Variants in CLIC5 observed in about 807,000 individuals in gnomAD.
CLIC5 encodes the protein CLIC family member 5.
A neutral mutation model predicts 24.7 loss-of-function variants in CLIC5; 20 were observed. The observed-to-expected ratio is 0.81, with a 90% CI of 0.57 to 1.18. The LOEUF is 1.18. CLIC5 is among the 50% of genes most tolerant of loss of function. CLIC5 has a pLI of 0.00. For synonymous variants in CLIC5, 159 were observed against 135.6 expected, an observed-to-expected ratio of 1.17 and a Z score of -1.20; for missense variants, 341 against 326.1, an observed-to-expected ratio of 1.05 and a Z score of -0.35.
intron 1 of CLIC5, among the ~76,000 whole-genome samples, chr6:45,981,744 C>A (rs542397477): frequency 2.0e-5 from 3 of 152,288 alleles, no homozygotes; most frequent in East Asian, 1.9e-4. Context: ...GTGGCTCATG[C>A]CAATAATCCC....
At chr6:45,888,168 T>C (rs1050876331) in intron 6 of CLIC5, among the ~76,000 whole-genome samples, 6 of 152,140 alleles carry the variant, frequency 3.9e-5, no homozygotes, top group African/African-American at 1.4e-4. Flanking sequence ...GGATTTCCTG[T>C]GAGGCTTGAA....
the CLIC5 span, among the ~76,000 whole-genome samples, chr6:46,119,613 C>A: frequency 6.6e-6 from 1 of 152,230 alleles, no homozygotes; most frequent in Non-Finnish European, 1.5e-5. Flanking sequence ...GTGCACCGAG[C>A]ATGAGCTGAA....
rs987283342 is a variant in CLIC5 at position 45,941,539 on chromosome 6, T to G, written c.406+8A>C. The G allele has an allele frequency of 8.1e-6, 13 of 1,600,388 alleles. No homozygotes were observed. Among genetic ancestry groups the G allele is most frequent in the Non-Finnish European group, 1.0e-5 (12 of 1,167,904 alleles). On this transcript the variant is annotated splice_region_variant and intron_variant, in intron 4 of 5. Coordinates refer to ENST00000339561, the MANE Select transcript of CLIC5 (RefSeq NM_016929.5). Reference sequence around the variant, plus strand: ...GCCAAGGGTTCTTGGTGGAAGGGAGTCACTCACCAGCATTGTTCTGCTGCT... The same window carrying G: ...GCCAAGGGTTCTTGGTGGAAGGGAGGCACTCACCAGCATTGTTCTGCTGCT...
intron 1 of CLIC5, among the ~76,000 whole-genome samples, chr6:45,974,871 G>A (rs1357407701): frequency 6.6e-6 from 1 of 152,106 alleles, no homozygotes; most frequent in Non-Finnish European, 1.5e-5. Context: ...CATCTCCACA[G>A]CACCAAGTGG....
At chr6:46,021,731 T>TA (rs1242874673) in intron 1 of CLIC5, among the ~76,000 whole-genome samples, 7 of 151,958 alleles carry the variant, frequency 4.6e-5, no homozygotes, top group Admixed American at 2.6e-4. Flanking sequence ...TTCTGGAAAA[T>TA]AAAAAAATTA....
upstream of CLIC5, among the ~76,000 whole-genome samples, chr6:46,084,306 G>C (rs1762985492): frequency 6.6e-6 from 1 of 152,084 alleles, no homozygotes; most frequent in Non-Finnish European, 1.5e-5. Context: ...GTGTGAATTT[G>C]ATCCTGTCAT....
At chr6:46,076,763 T>C (rs1162617448) in intron 1 of CLIC5, among the ~76,000 whole-genome samples, 1 of 152,230 alleles carries the variant, frequency 6.6e-6, no homozygotes, top group Non-Finnish European at 1.5e-5. Flanking sequence ...TCCTGTTTTA[T>C]AGCATTTTCA....
chr6:46,107,167 C>CT, the CLIC5 span, among the ~76,000 whole-genome samples: 197 of 149,054 alleles, frequency 1.3e-3, no homozygotes, highest in East Asian at 4.5e-3. Flanking sequence ...TTAATTTAGA[C>CT]TTTTTTTTTT....
At chr6:46,124,763 A>G in the CLIC5 span, among the ~76,000 whole-genome samples, 1 of 152,016 alleles carries the variant, frequency 6.6e-6, no homozygotes, top group Non-Finnish European at 1.5e-5. Context: ...GAAAGTGGGC[A>G]AAGGATATGA....
intron 1 of CLIC5, among the ~76,000 whole-genome samples, chr6:46,006,596 A>G (rs1766591807): frequency 1.3e-5 from 2 of 150,838 alleles, no homozygotes; most frequent in Non-Finnish European, 2.9e-5. Context: ...CATTGCATTT[A>G]TTTCCTACCT....
chr6:46,079,855 C>A, exon 1 of CLIC5: 1 of 1,552,210 alleles, frequency 6.4e-7, no homozygotes, highest in Non-Finnish European at 8.7e-7. Flanking sequence ...TCCTTCATCA[C>A]ACTCCCATTC....
chr6:46,079,897 C>G (rs1295751865), exon 1 of CLIC5: 1 of 1,551,916 alleles, frequency 6.4e-7, no homozygotes, highest in East Asian at 2.4e-5. Flanking sequence ...AGTTGCTGGT[C>G]CTGGGTTGAT....
intron 1 of CLIC5, among the ~76,000 whole-genome samples, chr6:46,039,922 C>G (rs908733087): frequency 1.3e-5 from 2 of 152,248 alleles, no homozygotes; most frequent in African/African-American, 4.8e-5. Context: ...AGTTAAGTAA[C>G]TGTAAACCCT....
At chr6:45,925,960 C>A (rs1763467289) in intron 4 of CLIC5, among the ~76,000 whole-genome samples, 1 of 152,072 alleles carries the variant, frequency 6.6e-6, no homozygotes, top group African/African-American at 2.4e-5. Flanking sequence ...AGGACTGAGG[C>A]AGTTTCAGAC....
At chr6:45,990,393 T>C (rs1014325604) in intron 1 of CLIC5, among the ~76,000 whole-genome samples, 1 of 152,178 alleles carries the variant, frequency 6.6e-6, no homozygotes, top group Non-Finnish European at 1.5e-5. Flanking sequence ...GAATCCTCCA[T>C]CTTGACTTTT....
the CLIC5 span, among the ~76,000 whole-genome samples, chr6:46,127,796 G>A: frequency 2.6e-5 from 4 of 152,138 alleles, no homozygotes; most frequent in African/African-American, 9.7e-5. Flanking sequence ...ACACAATTCT[G>A]TCCAAAGTGA....
intron 4 of CLIC5, among the ~76,000 whole-genome samples, chr6:45,915,170 G>A (rs892075615): frequency 2.0e-5 from 3 of 151,636 alleles, no homozygotes; most frequent in Admixed American, 6.6e-5. Context: ...CCTCATGATC[G>A]GCCCGCCTTG....
At chr6:46,076,024 T>C (rs1762757674) in intron 1 of CLIC5, among the ~76,000 whole-genome samples, 1 of 152,330 alleles carries the variant, frequency 6.6e-6, no homozygotes, top group South Asian at 2.1e-4. Flanking sequence ...AGTTTGTCAG[T>C]TGCCTCTAAA....
At chr6:46,115,771 T>G in the CLIC5 span, among the ~76,000 whole-genome samples, 1 of 152,244 alleles carries the variant, frequency 6.6e-6, no homozygotes, top group Admixed American at 6.5e-5. Flanking sequence ...GATATTTACA[T>G]GTGTCTAACA....
Sources: gnomAD v4.1 joint callset for allele counts (sites outside exome capture counted in the v4.1 genomes callset) on GRCh38, gnomAD v4.1.1 for gene constraint, MANE v1.5 for transcripts, NCBI Gene and HGNC (gene_info 2026-07-23, HGNC 2026-07-21) for gene names.